TMEM53: variants seen among roughly 807,000 people sequenced by gnomAD.
TMEM53 encodes novel DUF829 domain-containing protein.
A neutral mutation model predicts 21.4 loss-of-function variants in TMEM53; 14 were observed. That is an observed-to-expected ratio of 0.65 (90% CI 0.43 to 1.02). TMEM53 has a LOEUF of 1.02. Among genes scored for constraint, TMEM53 ranks in the 50% least tolerant of loss-of-function variants. The pLI, the probability that TMEM53 is intolerant of heterozygous loss-of-function variation, is 0.00. For missense variants in TMEM53, 323 were observed against 383.6 expected, an observed-to-expected ratio of 0.84 and a Z score of 1.32; for synonymous variants, 148 against 157.4, an observed-to-expected ratio of 0.94 and a Z score of 0.45.
intron 1 of TMEM53, among the ~76,000 whole-genome samples, chr1:44,672,770 TA>T (rs35956030): frequency 1.1e-3 from 151 of 141,760 alleles, no homozygotes; most frequent in East Asian, 1.9e-3. Context: ...CTCCATCTCT[TA>T]AAAAAAAAAA....
chr1:44,659,177 C>G (rs1644876547), intron 2 of TMEM53, among the ~76,000 whole-genome samples: 3 of 152,218 alleles, frequency 2.0e-5, no homozygotes, highest in Admixed American at 2.0e-4. Flanking sequence ...CTCTCCCATT[C>G]CAGGGCCACC....
At chr1:44,660,354 C>A (rs1644889710) in intron 1 of TMEM53, 59 bp from the exon 2 acceptor site, 1 of 1,556,962 alleles carries the variant, frequency 6.4e-7, no homozygotes, top group Non-Finnish European at 8.7e-7. Context: ...GGGTGACTGC[C>A]CAATCCAGAG....
chr1:44,659,873 T>TC (rs1644883993), intron 2 of TMEM53, among the ~76,000 whole-genome samples: 1 of 149,830 alleles, frequency 6.7e-6, no homozygotes, highest in African/African-American at 2.5e-5. Flanking sequence ...TTTTTTTTTT[T>TC]TTTTGAGACG....
At chr1:44,664,731 C>T (rs765483396) in intron 1 of TMEM53, among the ~76,000 whole-genome samples, 1 of 152,216 alleles carries the variant, frequency 6.6e-6, no homozygotes, top group Non-Finnish European at 1.5e-5. Flanking sequence ...ACCTCATCTA[C>T]CTGCTTCTCC....
intron 1 of TMEM53, among the ~76,000 whole-genome samples, chr1:44,672,404 C>T (rs1645009536): frequency 6.6e-6 from 1 of 152,224 alleles, no homozygotes; most frequent in African/African-American, 2.4e-5. Context: ...TCACTCCCCT[C>T]CCCAAAACCT....
intron 1 of TMEM53, among the ~76,000 whole-genome samples, chr1:44,666,263 A>C (rs1644947997): frequency 6.6e-6 from 1 of 152,236 alleles, no homozygotes; most frequent in Admixed American, 6.5e-5. Context: ...CAGGACCCTC[A>C]TACACTGCTG....
In TMEM53 at chr1:44,661,767, A is replaced by G. The variant is rs558779957; in HGVS notation, c.62-1472T>C. 2.0e-5 allele frequency among the ~76,000 whole-genome samples: 3 copies of G among 152,252 alleles called. No individual in the cohort carries two copies. The East Asian group carries it at 5.8e-4, about 29-fold the overall frequency. On this transcript the variant is annotated intron_variant, in intron 1 of 2. Coordinates refer to ENST00000372237, the MANE Select transcript of TMEM53 (RefSeq NM_024587.4). ...GCTCCCCACCCTAAACTACTCCAGC[A>G]CCATCTGTGCTGCCACCCCATCCAC...
chr1:44,674,462 G>C lies in TMEM53; in HGVS notation c.-71C>G, dbSNP rs970407089. On this transcript the variant is annotated 5_prime_UTR_variant, in exon 1 of 3. Coordinates refer to ENST00000372237, the MANE Select transcript of TMEM53 (RefSeq NM_024587.4). ...GCTTGCGCACCCGTGCCTCACCCGGGCGCCTCCTGGGCGCCGCCCAATCAC... is the reference window on the plus strand; with the variant it reads ...GCTTGCGCACCCGTGCCTCACCCGGCCGCCTCCTGGGCGCCGCCCAATCAC... The C allele has an allele frequency of 2.0e-6, 3 of 1,510,278 alleles. No individual in the cohort carries two copies. The highest frequency in any genetic ancestry group is 4.2e-5 in the Admixed American group (2 of 47,172). 93.6% of individuals were successfully genotyped at this position (1,510,278 alleles called of 1,614,324 possible). A position where few individuals can be genotyped will look rare whatever the true frequency, so the allele number is the denominator to read the frequency against.
chr1:44,672,789 G>A (rs562060526), intron 1 of TMEM53, among the ~76,000 whole-genome samples: 7 of 150,908 alleles, frequency 4.6e-5, no homozygotes, highest in African/African-American at 1.7e-4. Flanking sequence ...AAAAAGAAAG[G>A]GGGGCTGAGG....
In TMEM53 at chr1:44,674,321, C is replaced by T; in HGVS notation, c.61+10G>A. ...CCTCCCCGCGCCTGGACCCAACCCT[C>T]ATTCCATACTCTGGCTCCAGCAGGG... On this transcript the variant is annotated intron_variant, in intron 1 of 2. Transcript: ENST00000372237. 2 of 1,610,882 alleles carry T rather than the reference C, an allele frequency of 1.2e-6. No homozygotes were observed. Among genetic ancestry groups the T allele is most frequent in the Non-Finnish European group, 1.7e-6 (2 of 1,178,354 alleles).
intron 1 of TMEM53, among the ~76,000 whole-genome samples, chr1:44,671,882 T>C (rs1460615940): frequency 6.6e-6 from 1 of 152,192 alleles, no homozygotes; most frequent in Non-Finnish European, 1.5e-5. Flanking sequence ...TGAACTGAGA[T>C]CGTGCCACTG....
intron 1 of TMEM53, among the ~76,000 whole-genome samples, chr1:44,665,351 T>A (rs1455790281): frequency 6.6e-6 from 1 of 152,094 alleles, no homozygotes; most frequent in East Asian, 1.9e-4. Flanking sequence ...AAACATGCAA[T>A]CTTTGCCGGG....
intron 2 of TMEM53, 144 bp downstream of exon 2, chr1:44,660,030 G>T: frequency 9.6e-7 from 1 of 1,042,536 alleles, no homozygotes; most frequent in Admixed American, 3.0e-5. Context: ...GCTAATTTTT[G>T]TATTTTTAGT....
At position 44,655,054 on chromosome 1, in the gene TMEM53, G is replaced by C; in HGVS notation, c.339C>G (p.Ser113Arg). The change falls in exon 3 of 3, where the codon AGC (serine) becomes AGG (arginine). Residue 113 changes from serine (S) to arginine (R), a missense_variant. Around this residue, in one of 3 missense-constraint regions of TMEM53, gnomAD observed 269 missense variants for 334.5 expected, o/e 0.80. Coordinates refer to ENST00000372237, the MANE Select transcript of TMEM53 (RefSeq NM_024587.4). This position sits in a 1 kb window ranked among gnomAD's most constrained non-coding sequence, Gnocchi z 4.4. The stretch of plus-strand genomic sequence containing the variant: ...AGCGGTACAGCATGACGCCACCGTT[G>C]CTGAAGACATGGAAGAGCAGGGGCT... ...EKEPLLFHVFSNGGVMLYRYV... is the reference protein window; with the variant it reads ...EKEPLLFHVFRNGGVMLYRYV... 1.2e-6 allele frequency: 2 copies of C among 1,614,224 alleles called. No individual in the cohort carries two copies. Among genetic ancestry groups the C allele is most frequent in the Non-Finnish European group, 1.7e-6 (2 of 1,180,028 alleles).
rs13374797 is a variant in TMEM53, at chr1:44,661,780, C to T, written c.62-1485G>A. ...AACTACTCCAGCACCATCTGTGCTG[C>T]CACCCCATCCACAGCTGGTGATATG... On this transcript the variant is annotated intron_variant, in intron 1 of 2. Coordinates refer to ENST00000372237, the MANE Select transcript of TMEM53 (RefSeq NM_024587.4). Among the ~76,000 whole-genome samples the T allele has an allele frequency of 4.7e-3, 716 of 152,344 alleles. 6 individuals are homozygous for T. Among genetic ancestry groups the T allele is most frequent in the African/African-American group, 0.016 (676 of 41,584 alleles).
rs1329151707 is a variant in TMEM53, at chr1:44,654,133, AATAG to A, written c.*422_*425del. On this transcript the variant is annotated 3_prime_UTR_variant, in exon 3 of 3. Coordinates refer to ENST00000372237, the MANE Select transcript of TMEM53 (RefSeq NM_024587.4). The surrounding 1 kb of genome is among the most constrained non-coding windows in gnomAD (Gnocchi z 7.0). ...CAGAGTGAGACCCTGTCTTGAAATA[AATAG>A]ATAAATAAATAAGTAAAGAAAAAAA... 36 of 156,838 alleles carry A rather than the reference AATAG, an allele frequency of 2.3e-4. No individual in the cohort carries two copies. Among genetic ancestry groups the A allele is most frequent in the Non-Finnish European group, 3.2e-4 (23 of 71,068 alleles). The allele number at this position is 156,838 out of a possible 1,614,324, so 9.7% of individuals were successfully genotyped here.
At chr1:44,673,723 G>A (rs961862210) in intron 1 of TMEM53, 2 of 539,878 alleles carry the variant, frequency 3.7e-6, no homozygotes, top group Non-Finnish European at 4.7e-6. Context: ...TCCTTATCCC[G>A]GTTTTGCAGA....
At chr1:44,668,841 C>A (rs1644973939) in intron 1 of TMEM53, among the ~76,000 whole-genome samples, 1 of 152,188 alleles carries the variant, frequency 6.6e-6, no homozygotes, top group Admixed American at 6.5e-5. Flanking sequence ...CTGTACCCGG[C>A]CAAATTACTT....
chr1:44,669,225 T>A (rs1011701940), intron 1 of TMEM53, among the ~76,000 whole-genome samples: 2 of 152,256 alleles, frequency 1.3e-5, no homozygotes, highest in Non-Finnish European at 2.9e-5. Flanking sequence ...TGGCAATATA[T>A]TGTGAACATT....
Sources: gnomAD v4.1 joint callset for allele counts (sites outside exome capture counted in the v4.1 genomes callset) on GRCh38, gnomAD v4.1.1 for gene constraint, gnomAD v4.1.1 regional missense constraint, Gnocchi (gnomAD v3.1) non-coding constraint, MANE v1.5 for transcripts, NCBI Gene and HGNC (gene_info 2026-07-23, HGNC 2026-07-21) for gene names.